The following CNTNAP2 variants were observed in gnomAD, a reference collection of about 807,000 sequenced individuals.
CNTNAP2 encodes contactin-associated protein-like 2.
A neutral mutation model predicts 155.2 loss-of-function variants in CNTNAP2; 98 were observed. That is an observed-to-expected ratio of 0.63 (90% CI 0.54 to 0.75). The LOEUF (loss-of-function observed/expected upper bound fraction) is 0.75. Among genes scored for constraint, CNTNAP2 ranks in the 30% least tolerant of loss-of-function variants. The pLI, the probability that CNTNAP2 is intolerant of heterozygous loss-of-function variation, is 0.00. For missense variants in CNTNAP2, 1,727 were observed against 1,688.1 expected (o/e 1.02, Z -0.40); for synonymous variants, 651 against 631.2 (o/e 1.03, Z -0.47).
intron 2 of CNTNAP2, among the ~76,000 whole-genome samples, chr7:146,785,430 G>C (rs577498303): frequency 3.5e-4 from 54 of 152,224 alleles, no homozygotes; most frequent in Non-Finnish European, 5.7e-4. Flanking sequence ...TACTTATGCA[G>C]GTTTGACTCT....
chr7:146,289,069 G>T (rs557693670), intron 1 of CNTNAP2, among the ~76,000 whole-genome samples: 2 of 152,176 alleles, frequency 1.3e-5, no homozygotes, highest in South Asian at 4.1e-4. Flanking sequence ...TTCCCAAAGT[G>T]CTGGGATGAC....
At chr7:147,856,254 G>T (rs1799037661) in intron 13 of CNTNAP2, among the ~76,000 whole-genome samples, 1 of 152,072 alleles carries the variant, frequency 6.6e-6, no homozygotes, top group African/African-American at 2.4e-5. Context: ...CATAAAATAA[G>T]GCCCAGAGCC....
At chr7:147,841,025 CA>C (rs1451913199) in intron 13 of CNTNAP2, among the ~76,000 whole-genome samples, 2 of 152,128 alleles carry the variant, frequency 1.3e-5, no homozygotes, top group African/African-American at 4.8e-5. Context: ...ATTAGGCCTT[CA>C]GCAAAGATTA....
Position 146,129,978 on chromosome 7 carries a change from C to G in CNTNAP2, c.97+13005C>G, listed in dbSNP as rs73452029. 5.7e-3 allele frequency among the ~76,000 whole-genome samples: 874 copies of G among 152,160 alleles called. 11 individuals are homozygous for G. The highest frequency in any genetic ancestry group is 0.02 in the African/African-American group (832 of 41,510). ...AGCAAACAGCAGGAAAAGACTGTTC[C>G]AAGAAAAAGAGGACAACCTCACAAT... On this transcript the variant is annotated intron_variant, in intron 1 of 23. Coordinates refer to ENST00000361727, the MANE Select transcript of CNTNAP2 (RefSeq NM_014141.6).
intron 3 of CNTNAP2, among the ~76,000 whole-genome samples, chr7:146,846,045 C>T (rs1803834508): frequency 1.3e-5 from 2 of 152,160 alleles, no homozygotes; most frequent in Non-Finnish European, 2.9e-5. Flanking sequence ...TGTTACAGTT[C>T]AATGGTGTAC....
intron 13 of CNTNAP2, among the ~76,000 whole-genome samples, chr7:147,852,580 G>T (rs1203687299): frequency 6.6e-6 from 1 of 152,178 alleles, no homozygotes; most frequent in African/African-American, 2.4e-5. Context: ...CTTCCTTAAA[G>T]ATTACATTTT....
chr7:147,035,096 A>G (rs1017212438), intron 3 of CNTNAP2, among the ~76,000 whole-genome samples: 9 of 152,158 alleles, frequency 5.9e-5, no homozygotes, highest in Admixed American at 5.9e-4. Flanking sequence ...ACTGGTGCTC[A>G]GAAAAAAAGT....
chr7:148,203,742 A>G (rs1219880215), intron 18 of CNTNAP2, among the ~76,000 whole-genome samples: 1 of 152,168 alleles, frequency 6.6e-6, no homozygotes, highest in East Asian at 1.9e-4. Flanking sequence ...ACATCTCAAA[A>G]AAAAGAAAAA....
At chr7:146,159,404 T>A (rs1448299257) in intron 1 of CNTNAP2, among the ~76,000 whole-genome samples, 1 of 152,144 alleles carries the variant, frequency 6.6e-6, no homozygotes, top group Non-Finnish European at 1.5e-5. Context: ...TAACCTTAAA[T>A]GTAGATGGGC....
At chr7:146,601,076 T>C (rs1356861191) in intron 1 of CNTNAP2, among the ~76,000 whole-genome samples, 1 of 152,112 alleles carries the variant, frequency 6.6e-6, no homozygotes, top group East Asian at 1.9e-4. Flanking sequence ...AATTTTCCCA[T>C]TTCCTTTTTT....
intron 8 of CNTNAP2, among the ~76,000 whole-genome samples, chr7:147,149,196 C>G (rs1483702496): frequency 2.6e-5 from 4 of 152,108 alleles, no homozygotes; most frequent in African/African-American, 9.7e-5. Flanking sequence ...GGTGCATTTA[C>G]AAGCCTTTAG....
intron 1 of CNTNAP2, among the ~76,000 whole-genome samples, chr7:146,479,160 A>C (rs1796923287): frequency 6.6e-6 from 1 of 152,132 alleles, no homozygotes; most frequent in Non-Finnish European, 1.5e-5. Context: ...CAACCTACCT[A>C]CCTTTAGTTT....
intron 14 of CNTNAP2, chr7:147,939,878 A>G (rs959594608): frequency 6.6e-6 from 1 of 151,912 alleles, no homozygotes; most frequent in South Asian, 2.1e-4. Flanking sequence ...TTTTTTCCCC[A>G]CTTGGGTCTG....
At chr7:147,730,612 C>T (rs1316935329) in intron 13 of CNTNAP2, among the ~76,000 whole-genome samples, 3 of 151,992 alleles carry the variant, frequency 2.0e-5, no homozygotes, top group Non-Finnish European at 4.4e-5. Context: ...TCCTCAAGAC[C>T]CCCTATTCCC....
intron 9 of CNTNAP2, among the ~76,000 whole-genome samples, chr7:147,370,400 T>C (rs1447921642): frequency 6.6e-6 from 1 of 152,168 alleles, no homozygotes; most frequent in African/African-American, 2.4e-5. Context: ...TCGTTTCTTG[T>C]CTATCACTTG....
At chr7:146,812,446 AT>A (rs953181461) in intron 2 of CNTNAP2, among the ~76,000 whole-genome samples, 25 of 139,340 alleles carry the variant, frequency 1.8e-4, no homozygotes, top group Non-Finnish European at 3.0e-4. Context: ...TATATAAAAA[AT>A]ATATATATAT....
At chr7:148,061,802 ACATGTGTG>A (rs1803136767) in intron 15 of CNTNAP2, among the ~76,000 whole-genome samples, 1 of 133,378 alleles carries the variant, frequency 7.5e-6, no homozygotes, top group African/African-American at 2.8e-5. Context: ...TCTTGCTTTT[ACATGTGTG>A]CATGTGTGTG....
At chr7:146,942,818 G>A (rs1797083448) in intron 3 of CNTNAP2, among the ~76,000 whole-genome samples, 1 of 152,184 alleles carries the variant, frequency 6.6e-6, no homozygotes, top group South Asian at 2.1e-4. Context: ...CCAAAATATC[G>A]ACATTGAATG....
intron 1 of CNTNAP2, among the ~76,000 whole-genome samples, chr7:146,636,532 G>C (rs935128556): frequency 6.6e-6 from 1 of 152,082 alleles, no homozygotes; most frequent in African/African-American, 2.4e-5. Flanking sequence ...AAAGAAATCT[G>C]AAATTACTTA....
Sources: gnomAD v4.1 joint callset for allele counts (sites outside exome capture counted in the v4.1 genomes callset) on GRCh38, gnomAD v4.1.1 for gene constraint, MANE v1.5 for transcripts, NCBI Gene and HGNC (gene_info 2026-07-23, HGNC 2026-07-21) for gene names.